The following KLF12 variants were observed in gnomAD, a reference collection of about 807,000 sequenced individuals.
KLF12 encodes the protein Krueppel-like factor 12.
Under a neutral mutation model 37.8 loss-of-function variants are expected in KLF12, and 9 were observed. The ratio of observed to expected loss-of-function variants is 0.24; its 90% CI spans 0.14 to 0.42. The LOEUF (loss-of-function observed/expected upper bound fraction) is 0.42, where lower values mean the gene tolerates loss of function less well. KLF12 is among the 10% of genes least tolerant of loss of function. The pLI, the probability that KLF12 is intolerant of heterozygous loss-of-function variation, is 1.00. For missense variants in KLF12, 411 were observed against 516.0 expected (o/e 0.80, Z 1.97); for synonymous variants, 208 against 202.1 (o/e 1.03, Z -0.25).
At chr13:74,188,989 C>T in the KLF12 span, among the ~76,000 whole-genome samples, 2 of 152,012 alleles carry the variant, frequency 1.3e-5, no homozygotes, top group African/African-American at 2.4e-5. Flanking sequence ...CTTGAGACAG[C>T]AAGAACCTGT....
At chr13:74,221,080 C>T in the KLF12 span, among the ~76,000 whole-genome samples, 1 of 151,362 alleles carries the variant, frequency 6.6e-6, no homozygotes, top group Non-Finnish European at 1.5e-5. Flanking sequence ...TCTCGGCTCA[C>T]TGCAAGCTCC....
the KLF12 span, among the ~76,000 whole-genome samples, chr13:74,249,387 C>G: frequency 6.7e-6 from 1 of 149,470 alleles, no homozygotes; most frequent in Non-Finnish European, 1.5e-5. Flanking sequence ...CACGCACACC[C>G]TCACTCAATG....
chr13:74,056,978 G>A (rs1249920073), intron 1 of KLF12, among the ~76,000 whole-genome samples: 6 of 152,168 alleles, frequency 3.9e-5, no homozygotes, highest in African/African-American at 1.4e-4. Context: ...TGTGGGCACA[G>A]GAGCCAGAGA....
chr13:73,971,678 A>C (rs1891345591), intron 2 of KLF12, among the ~76,000 whole-genome samples: 1 of 152,180 alleles, frequency 6.6e-6, no homozygotes, highest in Non-Finnish European at 1.5e-5. Context: ...ACCTTATGTA[A>C]AACTACTGAC....
At chr13:73,699,114 C>G (rs964034373) in intron 7 of KLF12, among the ~76,000 whole-genome samples, 1 of 151,992 alleles carries the variant, frequency 6.6e-6, no homozygotes, top group African/African-American at 2.4e-5. Flanking sequence ...ATCCCAGCTA[C>G]TTGGGAAGCT....
At chr13:74,114,559 CAA>C (rs995482457) in intron 1 of KLF12, among the ~76,000 whole-genome samples, 50 of 152,024 alleles carry the variant, frequency 3.3e-4, no homozygotes, top group African/African-American at 1.2e-3. Context: ...TCTAAGCTGC[CAA>C]AGAGATTGAG....
In KLF12 at chr13:73,845,901, G is replaced by A; in HGVS notation, c.596C>T (p.Ala199Val). 6.2e-7 allele frequency: 1 copy of A among 1,614,172 alleles called. No homozygotes were observed. Among genetic ancestry groups the A allele is most frequent in the Non-Finnish European group, 8.5e-7 (1 of 1,180,010 alleles). ...GTTCACATTTCCAGGTGACCTTACA[G>A]CTGTGTAGACAACAGGCACCGACTG... Residue 199 changes from alanine (A) to valine (V), a missense_variant, in exon 4 of 8, where the codon GCT (alanine) becomes GTT (valine). Around this residue, in one of 2 missense-constraint regions of KLF12, gnomAD observed 351 missense variants for 397.8 expected, o/e 0.88. Coordinates refer to ENST00000377669, the MANE Select transcript of KLF12 (RefSeq NM_007249.5).
chr13:73,738,126 C>CAT (rs1566331407), intron 6 of KLF12, among the ~76,000 whole-genome samples: 1 of 56,416 alleles, frequency 1.8e-5, no homozygotes. Flanking sequence ...TATATATATA[C>CAT]ACACACACAC....
intron 1 of KLF12, among the ~76,000 whole-genome samples, chr13:74,077,375 T>C (rs1419581458): frequency 1.3e-5 from 2 of 152,218 alleles, no homozygotes; most frequent in African/African-American, 4.8e-5. Context: ...TCTTCTATAC[T>C]CAAGGGTATA....
At chr13:73,914,099 C>A (rs1238911577) in intron 3 of KLF12, among the ~76,000 whole-genome samples, 1 of 150,482 alleles carries the variant, frequency 6.6e-6, no homozygotes, top group South Asian at 2.1e-4. Flanking sequence ...TGTTCCCTGG[C>A]ACCTTTGCCT....
At chr13:74,165,588 C>G in the KLF12 span, among the ~76,000 whole-genome samples, 2 of 152,144 alleles carry the variant, frequency 1.3e-5, no homozygotes, top group Non-Finnish European at 2.9e-5. Flanking sequence ...AGTGAGCCAC[C>G]ACTTCCGGGC....
chr13:74,035,750 T>G lies in KLF12; in HGVS notation c.-31-40697A>C, dbSNP rs4885146. Among the ~76,000 whole-genome samples the G allele has an allele frequency of 6.7e-3, 1,015 of 152,190 alleles. 48 individuals are homozygous for G. Among genetic ancestry groups the G allele is most frequent in the Admixed American group, 0.061 (936 of 15,284 alleles). ...GTCATTTCATATCCTTAAAAATGGG[T>G]AAGTATCAGCATCTCTTCAGACGCT... is the stretch of plus-strand genomic sequence containing the variant. On this transcript the variant is annotated intron_variant, in intron 1 of 7. Coordinates refer to ENST00000377669, the MANE Select transcript of KLF12 (RefSeq NM_007249.5).
intron 2 of KLF12, among the ~76,000 whole-genome samples, chr13:73,986,311 C>T (rs372203017): frequency 1.4e-4 from 22 of 152,166 alleles, no homozygotes; most frequent in African/African-American, 5.1e-4. Context: ...TTATCACTTG[C>T]TTCATTTAGC....
chr13:73,945,343 C>G (rs889829326), intron 2 of KLF12, among the ~76,000 whole-genome samples: 1 of 152,102 alleles, frequency 6.6e-6, no homozygotes, highest in Non-Finnish European at 1.5e-5. Context: ...GTGGCAGGCA[C>G]CTGTAATCCA....
rs1011305198 is a variant in KLF12 at position 73,689,124 on chromosome 13, T to C, written c.*6366A>G. ...TGTGTAACCTTTCAAGGTACTTTAG[T>C]TTTTTCAGACAACACATGGTAAGAA... On this transcript the variant is annotated 3_prime_UTR_variant, in exon 8 of 8. Transcript: ENST00000377669. The C allele has an allele frequency of 6.6e-6, 1 of 152,100 alleles. No individual in the cohort carries two copies. The highest frequency in any genetic ancestry group is 1.5e-5 in the Non-Finnish European group (1 of 68,032). 9.4% of individuals were successfully genotyped at this position (152,100 alleles called of 1,614,324 possible). A position where few individuals can be genotyped will look rare whatever the true frequency, so the allele number is the denominator to read the frequency against.
At chr13:74,268,167 T>G in the KLF12 span, among the ~76,000 whole-genome samples, 1 of 6,778 alleles carries the variant, frequency 1.5e-4, no homozygotes, top group African/African-American at 5.9e-4. Flanking sequence ...TAAGGAGAGA[T>G]TCTCTATATT....
intron 4 of KLF12, among the ~76,000 whole-genome samples, chr13:73,833,266 C>G (rs777366264): frequency 6.6e-6 from 1 of 152,168 alleles, no homozygotes; most frequent in Non-Finnish European, 1.5e-5. Context: ...ACAGCAATAT[C>G]TACGTATTAA....
chr13:73,700,681 G>A (rs1874487955), intron 7 of KLF12, among the ~76,000 whole-genome samples: 1 of 152,060 alleles, frequency 6.6e-6, no homozygotes, highest in South Asian at 2.1e-4. Context: ...TCCAGCCAGA[G>A]AGCTCAAGAG....
upstream of KLF12, among the ~76,000 whole-genome samples, chr13:74,135,768 TTG>T (rs1352981475): frequency 1.3e-5 from 2 of 151,960 alleles, no homozygotes; most frequent in African/African-American, 4.8e-5. Flanking sequence ...AAGGGGAAGT[TTG>T]TGTGCAGAGA....
Sources: gnomAD v4.1 joint callset for allele counts (sites outside exome capture counted in the v4.1 genomes callset) on GRCh38, gnomAD v4.1.1 for gene constraint, gnomAD v4.1.1 regional missense constraint, MANE v1.5 for transcripts, NCBI Gene and HGNC (gene_info 2026-07-23, HGNC 2026-07-21) for gene names.